The following SDK1 variants were observed in gnomAD, a reference collection of about 807,000 sequenced individuals.
SDK1 encodes sidekick cell adhesion molecule 1, also known as protein sidekick-1.
In SDK1, 157 loss-of-function variants were observed where a neutral mutation model predicts 245.5. The ratio of observed to expected loss-of-function variants is 0.64; its 90% confidence interval spans 0.56 to 0.73. The LOEUF (loss-of-function observed/expected upper bound fraction) is 0.73, where lower values mean the gene tolerates loss of function less well. Among genes scored for constraint, SDK1 ranks in the 30% least tolerant of loss-of-function variants. SDK1 has a pLI of 0.00. For missense variants in SDK1, 3,583 were observed against 3,002.3 expected (o/e 1.19, Z -4.52); for synonymous variants, 1,647 against 1,278.5 (o/e 1.29, Z -6.15).
chr7:4,070,600 A>T (rs1780187954), intron 20 of SDK1, among the ~76,000 whole-genome samples: 1 of 151,854 alleles, frequency 6.6e-6, no homozygotes, highest in Admixed American at 6.6e-5. Context: ...CCCCACCACT[A>T]CTCATCAGTA....
intron 4 of SDK1, among the ~76,000 whole-genome samples, chr7:3,753,475 A>C (rs1195304853): frequency 6.6e-6 from 1 of 152,196 alleles, no homozygotes; most frequent in Non-Finnish European, 1.5e-5. Context: ...GAGAAATGCA[A>C]GGCAGTAGCC....
intron 1 of SDK1, among the ~76,000 whole-genome samples, chr7:3,544,134 A>G (rs1174407286): frequency 6.6e-6 from 1 of 152,118 alleles, no homozygotes; most frequent in Admixed American, 6.6e-5. Context: ...TATAGCATCA[A>G]TTTCATTTTT....
chr7:3,829,773 C>A (rs1257772987), intron 5 of SDK1, among the ~76,000 whole-genome samples: 1 of 152,250 alleles, frequency 6.6e-6, no homozygotes, highest in South Asian at 2.1e-4. Flanking sequence ...AAAAGGAAGT[C>A]TTCTGTTCTG....
At chr7:3,381,918 T>C (rs1781497544) in intron 1 of SDK1, among the ~76,000 whole-genome samples, 1 of 152,164 alleles carries the variant, frequency 6.6e-6, no homozygotes, top group Non-Finnish European at 1.5e-5. Context: ...TTTTGAATGA[T>C]ACCTACTAGT....
chr7:4,043,249 G>A (rs1338258195), intron 17 of SDK1, among the ~76,000 whole-genome samples: 2 of 152,102 alleles, frequency 1.3e-5, no homozygotes, highest in African/African-American at 4.8e-5. Flanking sequence ...GGCTCAGGTA[G>A]AGTGAGTGTC....
At chr7:3,863,387 G>A (rs1780744135) in intron 5 of SDK1, among the ~76,000 whole-genome samples, 1 of 152,144 alleles carries the variant, frequency 6.6e-6, no homozygotes, top group South Asian at 2.1e-4. Flanking sequence ...CCCATTGCCT[G>A]GCTGGCCCAT....
rs1232784789 is a variant in SDK1, at chr7:3,781,179, C to G, written c.714-40271C>G. On this transcript the variant is annotated intron_variant, in intron 4 of 44. Coordinates refer to ENST00000404826, the MANE Select transcript of SDK1 (RefSeq NM_152744.4). The stretch of plus-strand genomic sequence containing the variant: ...CAATGACTTTGCTAACCTCAGAGAA[C>G]AGCCTATAGCCCTGCCCAACTGTAG... 5.9e-5 allele frequency among the ~76,000 whole-genome samples: 9 copies of G among 152,242 alleles called. No individual in the cohort carries two copies. In the East Asian group the frequency reaches 1.7e-3, roughly 29 times the overall value.
In SDK1 at chr7:4,266,653, T is replaced by G; in HGVS notation, c.*1269T>G. ...AGAGTATGAACTACTTTGGAAAACT[T>G]AACAGCTCAGAGATGGCCATGCCTC... On this transcript the variant is annotated 3_prime_UTR_variant, in exon 45 of 45. Transcript: ENST00000404826. 3.0e-6 allele frequency: 3 copies of G among 985,474 alleles called. No individual in the cohort carries two copies. The highest frequency in any genetic ancestry group is 3.6e-6 in the Non-Finnish European group (3 of 829,940). The allele number at this position is 985,474 out of a possible 1,614,324, so 61.0% of individuals were successfully genotyped here.
At chr7:3,891,073 G>A (rs767919186) in intron 5 of SDK1, among the ~76,000 whole-genome samples, 3 of 152,132 alleles carry the variant, frequency 2.0e-5, no homozygotes, top group Non-Finnish European at 4.4e-5. Context: ...ACTGTCTAGA[G>A]CACATCCTTC....
intron 1 of SDK1, among the ~76,000 whole-genome samples, chr7:3,618,530 A>G (rs1373483192): frequency 6.6e-6 from 1 of 152,240 alleles, no homozygotes; most frequent in East Asian, 1.9e-4. Context: ...CTGTTCCATT[A>G]TGTGAATATA....
intron 40 of SDK1, chr7:4,227,484 A>C: frequency 2.1e-6 from 1 of 468,082 alleles, no homozygotes; most frequent in South Asian, 1.6e-5. Flanking sequence ...CACCAGCTTC[A>C]GTAAAATTTC....
intron 28 of SDK1, 110 bp from the exon 29 acceptor site, chr7:4,145,612 G>T (rs577989903): frequency 2.1e-6 from 2 of 934,648 alleles, no homozygotes; most frequent in East Asian, 5.2e-5. Flanking sequence ...CTCCAGAGAC[G>T]GGGAAGAGAC....
intron 1 of SDK1, among the ~76,000 whole-genome samples, chr7:3,312,194 C>G (rs748873627): frequency 4.6e-4 from 70 of 152,162 alleles, no homozygotes; most frequent in Non-Finnish European, 8.8e-4. Flanking sequence ...AACTAACCTT[C>G]AAGCTGAGAC....
chr7:4,087,475 G>GCA (rs1781498421), intron 22 of SDK1, among the ~76,000 whole-genome samples: 1 of 106,488 alleles, frequency 9.4e-6, no homozygotes, highest in African/African-American at 6.9e-5. Context: ...AGACACACAC[G>GCA]CGCGCACACA....
chr7:3,753,669 A>G (rs531900172), intron 4 of SDK1, among the ~76,000 whole-genome samples: 1 of 152,316 alleles, frequency 6.6e-6, no homozygotes, highest in East Asian at 1.9e-4. Flanking sequence ...TATCACAGGC[A>G]AATTTTCAGG....
chr7:3,607,019 G>C (rs1364260408), intron 1 of SDK1, among the ~76,000 whole-genome samples: 1 of 152,198 alleles, frequency 6.6e-6, no homozygotes, highest in East Asian at 1.9e-4. Context: ...TTGCTGTTTT[G>C]ATAAAAAGAG....
At chr7:3,525,664 A>G (rs1783103699) in intron 1 of SDK1, among the ~76,000 whole-genome samples, 2 of 152,030 alleles carry the variant, frequency 1.3e-5, no homozygotes, top group African/African-American at 2.4e-5. Flanking sequence ...TGAAGGGATT[A>G]ATTTGGCAGG....
At chr7:3,408,987 C>G (rs933941265) in intron 1 of SDK1, among the ~76,000 whole-genome samples, 1 of 152,142 alleles carries the variant, frequency 6.6e-6, no homozygotes, top group Non-Finnish European at 1.5e-5. Flanking sequence ...TTCTCTCAGC[C>G]CTATTGACAG....
chr7:3,400,217 C>A (rs1258763982), intron 1 of SDK1, among the ~76,000 whole-genome samples: 1 of 152,038 alleles, frequency 6.6e-6, no homozygotes, highest in Admixed American at 6.6e-5. Context: ...ATGGAGTAGA[C>A]CAAGTTAAAA....
Sources: gnomAD v4.1 joint callset for allele counts (sites outside exome capture counted in the v4.1 genomes callset) on GRCh38, gnomAD v4.1.1 for gene constraint, MANE v1.5 for transcripts, NCBI Gene and HGNC (gene_info 2026-07-23, HGNC 2026-07-21) for gene names.